The following AGBL4 variants were observed in gnomAD, a reference collection of about 807,000 sequenced individuals.
AGBL4 encodes AGBL carboxypeptidase 4, also known as cytosolic carboxypeptidase 6.
AGBL4 carries 58 observed loss-of-function variants against 66.4 expected under a neutral mutation model. The observed-to-expected ratio is 0.87, with a 90% CI of 0.71 to 1.09. The LOEUF is 1.09. Ranked by LOEUF, AGBL4 falls within the 50% of genes least tolerant of loss-of-function variation. The pLI, the probability that AGBL4 is intolerant of heterozygous loss-of-function variation, is 0.00. For missense variants in AGBL4, 579 were observed against 631.0 expected (o/e 0.92, Z 0.88); for synonymous variants, 234 against 222.9 (o/e 1.05, Z -0.44).
Position 49,738,508 on chromosome 1 carries a change from A to T in AGBL4, c.158-41071T>A, listed in dbSNP as rs1047692885. Among the ~76,000 whole-genome samples, 28 of 152,230 alleles carry T rather than the reference A, an allele frequency of 1.8e-4. 1 individual carries two copies. The highest frequency in any genetic ancestry group is 7.3e-5 in the Non-Finnish European group (5 of 68,030). Reference sequence around the variant, plus strand: ...GGCATAGCCAAACAAAAGGCAGCAGAAACCTCTGCAGACTTAAATGTCCCT... The same window carrying T: ...GGCATAGCCAAACAAAAGGCAGCAGTAACCTCTGCAGACTTAAATGTCCCT... On this transcript the variant is annotated intron_variant, in intron 2 of 13. Coordinates refer to ENST00000371839, the MANE Select transcript of AGBL4 (RefSeq NM_032785.4).
chr1:49,345,483 G>A (rs1645618130), intron 3 of AGBL4, among the ~76,000 whole-genome samples: 1 of 151,972 alleles, frequency 6.6e-6, no homozygotes, highest in African/African-American at 2.4e-5. Context: ...GGTGAGAAGG[G>A]TGCCATTAAA....
chr1:48,848,789 G>T (rs980499403), intron 6 of AGBL4, among the ~76,000 whole-genome samples: 5 of 152,148 alleles, frequency 3.3e-5, no homozygotes, highest in Non-Finnish European at 7.3e-5. Context: ...TCCTGAAAAG[G>T]TCAGTTAGTT....
intron 11 of AGBL4, among the ~76,000 whole-genome samples, chr1:48,554,392 G>A (rs901948099): frequency 2.0e-5 from 3 of 152,134 alleles, no homozygotes; most frequent in Non-Finnish European, 4.4e-5. Context: ...AGAGGAATTG[G>A]CTTGCTTCAC....
chr1:49,624,002 A>AGTGTGTGTGTGT lies in AGBL4; in HGVS notation c.282+73299_282+73310dup, dbSNP rs34356093. 9.4e-5 allele frequency among the ~76,000 whole-genome samples: 14 copies of AGTGTGTGTGTGT among 149,450 alleles called. 1 individual carries two copies. Among genetic ancestry groups the AGTGTGTGTGTGT allele is most frequent in the African/African-American group, 3.5e-4 (14 of 40,374 alleles). On this transcript the variant is annotated intron_variant, in intron 3 of 13. Transcript: ENST00000371839. ...ACTTCATATAGTTTTGATGAGAGAG[A>AGTGTGTGTGTGT]GTGTGTGTGTGTGTGTGTGTGTGTG...
At chr1:49,236,973 T>TA (rs1327912420) in intron 4 of AGBL4, among the ~76,000 whole-genome samples, 1 of 151,836 alleles carries the variant, frequency 6.6e-6, no homozygotes, top group African/African-American at 2.4e-5. Flanking sequence ...ATGATGGTTT[T>TA]AAAAAATGGG....
rs192612361 is a variant in AGBL4, at chr1:49,272,489, A to T, written c.283-26625T>A. On this transcript the variant is annotated intron_variant, in intron 3 of 13. Transcript: ENST00000371839. ...ATTCCTATGATTTTATGTTACCTTGACAAATGTTTTTAGTCTTCTTATGTC... is the reference window on the plus strand; with the variant it reads ...ATTCCTATGATTTTATGTTACCTTGTCAAATGTTTTTAGTCTTCTTATGTC... 1.2e-3 allele frequency among the ~76,000 whole-genome samples: 189 copies of T among 152,312 alleles called. 1 individual carries two copies. Among genetic ancestry groups the T allele is most frequent in the African/African-American group, 4.0e-3 (168 of 41,578 alleles).
At chr1:49,716,327 C>G (rs534118829) in intron 2 of AGBL4, among the ~76,000 whole-genome samples, 1 of 152,124 alleles carries the variant, frequency 6.6e-6, no homozygotes, top group African/African-American at 2.4e-5. Context: ...GTTTTGGTAC[C>G]AGTACCATGC....
chr1:49,306,947 A>G (rs571197635), intron 3 of AGBL4, among the ~76,000 whole-genome samples: 1 of 152,178 alleles, frequency 6.6e-6, no homozygotes, highest in Admixed American at 6.5e-5. Flanking sequence ...GAAAGTTTAG[A>G]TCACTTGCAC....
At chr1:49,782,883 C>T (rs966099106) in intron 2 of AGBL4, among the ~76,000 whole-genome samples, 1 of 152,178 alleles carries the variant, frequency 6.6e-6, no homozygotes, top group African/African-American at 2.4e-5. Context: ...TTTCCAGCTT[C>T]CAGAGCCATA....
At chr1:49,977,437 T>C (rs1020396930) in intron 1 of AGBL4, among the ~76,000 whole-genome samples, 1 of 152,372 alleles carries the variant, frequency 6.6e-6, no homozygotes, top group Middle Eastern at 3.4e-3. Flanking sequence ...TAATAAACTT[T>C]CATGCTATGT....
intron 3 of AGBL4, among the ~76,000 whole-genome samples, chr1:49,522,420 G>A (rs182677394): frequency 2.6e-5 from 4 of 152,040 alleles, no homozygotes; most frequent in East Asian, 1.9e-4. Context: ...CCTTCTCATC[G>A]TAATTTTTTC....
At chr1:49,998,849 T>C (rs972460633) in intron 1 of AGBL4, among the ~76,000 whole-genome samples, 3 of 152,180 alleles carry the variant, frequency 2.0e-5, no homozygotes, top group African/African-American at 7.2e-5. Flanking sequence ...ATTATCTCGA[T>C]AGATGCAGAA....
At chr1:48,910,648 CT>C (rs895072817) in intron 5 of AGBL4, among the ~76,000 whole-genome samples, 1 of 144,858 alleles carries the variant, frequency 6.9e-6, no homozygotes, top group East Asian at 2.0e-4. Flanking sequence ...TTCTGACAGG[CT>C]TTTTTTTCTT....
intron 9 of AGBL4, among the ~76,000 whole-genome samples, chr1:48,614,246 T>C (rs1291901290): frequency 2.0e-5 from 3 of 152,158 alleles, no homozygotes; most frequent in South Asian, 4.1e-4. Flanking sequence ...TGGAAGATGC[T>C]AAGGAAAAAA....
At chr1:49,555,252 C>G (rs1571021067) in intron 3 of AGBL4, among the ~76,000 whole-genome samples, 1 of 151,080 alleles carries the variant, frequency 6.6e-6, no homozygotes, top group Non-Finnish European at 1.5e-5. Flanking sequence ...GGTGCATTGA[C>G]AATCCTTTAG....
chr1:49,191,174 C>A (rs748994913), intron 4 of AGBL4, among the ~76,000 whole-genome samples: 3 of 152,170 alleles, frequency 2.0e-5, no homozygotes, highest in Admixed American at 6.6e-5. Context: ...CAAAGAAGGT[C>A]CTGTACATTA....
chr1:49,756,923 T>C (rs1299892184), intron 2 of AGBL4, among the ~76,000 whole-genome samples: 1 of 152,018 alleles, frequency 6.6e-6, no homozygotes, highest in Non-Finnish European at 1.5e-5. Context: ...ACAAATACGG[T>C]AAAGTGGGAC....
chr1:48,947,093 T>C (rs1656577237), intron 5 of AGBL4, among the ~76,000 whole-genome samples: 1 of 152,224 alleles, frequency 6.6e-6, no homozygotes, highest in Admixed American at 6.5e-5. Context: ...ATCTGCACCT[T>C]CCCTGTTACT....
In AGBL4 at chr1:48,915,585, C is replaced by T. The variant is rs113431046; in HGVS notation, c.595-48355G>A. On this transcript the variant is annotated intron_variant, in intron 5 of 13. Coordinates refer to ENST00000371839, the MANE Select transcript of AGBL4 (RefSeq NM_032785.4). ...TTAGTGCTCAATAAACACTAAAAAA[C>T]GTGGTTCTCATAGTGTGTTCCCTTG... Among the ~76,000 whole-genome samples, 53 of 152,250 alleles carry T rather than the reference C, an allele frequency of 3.5e-4. No individual in the cohort carries two copies. The East Asian group carries it at 9.7e-3, about 28-fold the overall frequency.
Sources: allele counts gnomAD v4.1 joint callset (sites outside exome capture counted in the v4.1 genomes callset), GRCh38; gene constraint gnomAD v4.1.1; transcripts MANE v1.5; gene names NCBI Gene and HGNC (gene_info 2026-07-23, HGNC 2026-07-21).